The following MAP7 variants were observed in gnomAD, a reference collection of about 807,000 sequenced individuals.
MAP7 encodes the protein ensconsin.
Under a neutral mutation model 94.8 loss-of-function variants are expected in MAP7, and 52 were observed. The observed-to-expected ratio is 0.55, with a 90% CI of 0.44 to 0.69. The LOEUF (loss-of-function observed/expected upper bound fraction) is 0.69. Among genes scored for constraint, MAP7 ranks in the 30% least tolerant of loss-of-function variants. The pLI, the probability that MAP7 is intolerant of heterozygous loss-of-function variation, is 0.00. For missense variants in MAP7, 940 were observed against 964.6 expected (o/e 0.97, Z 0.34); for synonymous variants, 350 against 357.0 (o/e 0.98, Z 0.22).
At chr6:136,419,436 C>T (rs1359511802) in intron 2 of MAP7, among the ~76,000 whole-genome samples, 1 of 152,106 alleles carries the variant, frequency 6.6e-6, no homozygotes, top group African/African-American at 2.4e-5. Context: ...CACATTTATT[C>T]ATCTTTTTAA....
At chr6:136,423,134 C>T (rs768895486) in intron 1 of MAP7, among the ~76,000 whole-genome samples, 12 of 152,196 alleles carry the variant, frequency 7.9e-5, no homozygotes, top group Non-Finnish European at 1.3e-4. Flanking sequence ...CCCTTTCTCC[C>T]AGCTTCTATG....
chr6:136,459,351 G>T (rs928540798), intron 1 of MAP7, among the ~76,000 whole-genome samples: 3 of 151,972 alleles, frequency 2.0e-5, no homozygotes, highest in Admixed American at 6.6e-5. Flanking sequence ...CAGTATAAAG[G>T]TTCCTCAAAA....
Position 136,448,269 on chromosome 6 carries a change from T to C in MAP7, c.68-26470A>G, listed in dbSNP as rs537742523. Among the ~76,000 whole-genome samples the C allele has an allele frequency of 7.2e-5, 11 of 152,300 alleles. No individual in the cohort carries two copies. In the South Asian group the frequency reaches 2.3e-3, roughly 32 times the overall value. ...AATTCTGGGAATTAGGCAACAATGC[T>C]CTGGTGTCTGTGCGGGAAAAACATT... On this transcript the variant is annotated intron_variant, in intron 1 of 17. Transcript: ENST00000354570.
intron 7 of MAP7, among the ~76,000 whole-genome samples, chr6:136,373,882 G>A (rs773615985): frequency 3.9e-4 from 60 of 152,198 alleles, no homozygotes; most frequent in Admixed American, 2.1e-3. Context: ...TTAATTTACA[G>A]ACAGAAAGTC....
intron 1 of MAP7, among the ~76,000 whole-genome samples, chr6:136,467,888 T>C (rs1807630063): frequency 6.6e-6 from 1 of 152,188 alleles, no homozygotes. Context: ...CCCTCTGAAC[T>C]AGCCCCTTTG....
intron 6 of MAP7, 139 bp downstream of exon 6, chr6:136,383,521 GTTTATTGCTTT>G: frequency 2.0e-6 from 1 of 493,866 alleles, no homozygotes; most frequent in Non-Finnish European, 3.5e-6. Context: ...CTGCTCAGCC[GTTTATTGCTTT>G]TTTACTCTGA....
chr6:136,484,138 C>A (rs1813844105), intron 1 of MAP7, among the ~76,000 whole-genome samples: 1 of 152,198 alleles, frequency 6.6e-6, no homozygotes, highest in Non-Finnish European at 1.5e-5. Flanking sequence ...AAATATCCAT[C>A]TCAAGTGAGT....
At chr6:136,475,048 A>G (rs1264055301) in intron 1 of MAP7, among the ~76,000 whole-genome samples, 1 of 152,154 alleles carries the variant, frequency 6.6e-6, no homozygotes, top group Non-Finnish European at 1.5e-5. Context: ...TTTCCATGAC[A>G]ATAAAAGCTC....
chr6:136,501,970 T>C (rs1819955391), intron 1 of MAP7, among the ~76,000 whole-genome samples: 1 of 152,206 alleles, frequency 6.6e-6, no homozygotes. Context: ...GACCAGAGCC[T>C]GGCATTCACA....
At chr6:136,376,739 T>C (rs1478620675) in intron 7 of MAP7, among the ~76,000 whole-genome samples, 1 of 152,228 alleles carries the variant, frequency 6.6e-6, no homozygotes, top group Non-Finnish European at 1.5e-5. Context: ...CATAAGAAGG[T>C]TGTGGGAATG....
intron 1 of MAP7, among the ~76,000 whole-genome samples, chr6:136,446,481 T>C (rs534984353): frequency 6.6e-6 from 1 of 152,336 alleles, no homozygotes; most frequent in South Asian, 2.1e-4. Context: ...GAAGCCTCAC[T>C]GCTAAGGCAT....
intron 7 of MAP7, among the ~76,000 whole-genome samples, chr6:136,375,840 G>A (rs754130851): frequency 2.6e-5 from 4 of 152,162 alleles, no homozygotes; most frequent in Non-Finnish European, 5.9e-5. Flanking sequence ...GAGCCGGTTT[G>A]CAGATAAAAA....
intron 1 of MAP7, among the ~76,000 whole-genome samples, chr6:136,447,372 C>T (rs1799661217): frequency 6.6e-6 from 1 of 152,200 alleles, no homozygotes. Context: ...AGATTGTGAT[C>T]CACTCACAGG....
chr6:136,427,513 T>G (rs1005905812), intron 1 of MAP7, among the ~76,000 whole-genome samples: 5 of 152,226 alleles, frequency 3.3e-5, no homozygotes, highest in African/African-American at 1.2e-4. Flanking sequence ...CACACCAGAA[T>G]AAACCCATTT....
chr6:136,384,875 G>C (rs1303931936), intron 5 of MAP7, among the ~76,000 whole-genome samples: 1 of 152,152 alleles, frequency 6.6e-6, no homozygotes, highest in Non-Finnish European at 1.5e-5. Context: ...GTAGACCCAG[G>C]TTATAATCAT....
At chr6:136,384,789 T>C (rs1008170651) in intron 5 of MAP7, among the ~76,000 whole-genome samples, 1 of 152,112 alleles carries the variant, frequency 6.6e-6, no homozygotes, top group Non-Finnish European at 1.5e-5. Context: ...CTGGCATAAT[T>C]TTAGAATTCT....
intron 16 of MAP7, among the ~76,000 whole-genome samples, chr6:136,351,076 G>A (rs550028914): frequency 6.6e-6 from 1 of 152,128 alleles, no homozygotes; most frequent in East Asian, 1.9e-4. Flanking sequence ...ATCATGAAAT[G>A]AGTGACAAGG....
At chr6:136,404,329 GA>G (rs924142041) in intron 3 of MAP7, among the ~76,000 whole-genome samples, 4 of 128,504 alleles carry the variant, frequency 3.1e-5, no homozygotes, top group African/African-American at 5.9e-5. Flanking sequence ...AGATGAGAGA[GA>G]AAAAAAAAGA....
At chr6:136,537,517 C>T (rs902046311) in intron 1 of MAP7, among the ~76,000 whole-genome samples, 1 of 152,166 alleles carries the variant, frequency 6.6e-6, no homozygotes, top group Non-Finnish European at 1.5e-5. Flanking sequence ...TTTTTATATA[C>T]ACAGGGAGGG....
Sources: gnomAD v4.1 joint callset for allele counts (sites outside exome capture counted in the v4.1 genomes callset) on GRCh38, gnomAD v4.1.1 for gene constraint, MANE v1.5 for transcripts, NCBI Gene and HGNC (gene_info 2026-07-23, HGNC 2026-07-21) for gene names.